Variants in AHCYL2 observed in about 807,000 individuals in gnomAD.
AHCYL2 encodes the protein adenosylhomocysteinase like 2.
In AHCYL2, 28 loss-of-function variants were observed where a neutral mutation model predicts 81.4. The observed-to-expected ratio is 0.34, with a 90% CI of 0.25 to 0.47. The LOEUF (loss-of-function observed/expected upper bound fraction) is 0.47, where lower values mean the gene tolerates loss of function less well. AHCYL2 is among the 20% of genes least tolerant of loss of function. The pLI is 1.00. For synonymous variants in AHCYL2, 272 were observed against 290.2 expected, an observed-to-expected ratio of 0.94 and a Z score of 0.64; for missense variants, 551 against 785.1, an observed-to-expected ratio of 0.70 and a Z score of 3.56.
chr7:129,283,292 G>A (rs1330823014), intron 1 of AHCYL2: 11 of 451,960 alleles, frequency 2.4e-5, no homozygotes, highest in Non-Finnish European at 4.4e-5. Context: ...GTAAGCAGAA[G>A]CATTCACAGA....
At chr7:129,344,534 A>G (rs533588278) in intron 1 of AHCYL2, among the ~76,000 whole-genome samples, 1 of 152,372 alleles carries the variant, frequency 6.6e-6, no homozygotes, top group African/African-American at 2.4e-5. Flanking sequence ...CATAAAAGGC[A>G]AATCTATCTA....
At chr7:129,234,853 T>G (rs1794585421) in intron 1 of AHCYL2, among the ~76,000 whole-genome samples, 1 of 152,222 alleles carries the variant, frequency 6.6e-6, no homozygotes, top group Non-Finnish European at 1.5e-5. Flanking sequence ...CTAGGTCTTT[T>G]CCTTCAGAAT....
chr7:129,274,300 A>G (rs981135400), intron 1 of AHCYL2, among the ~76,000 whole-genome samples: 2 of 152,350 alleles, frequency 1.3e-5, no homozygotes, highest in East Asian at 1.9e-4. Flanking sequence ...ACTATACTGC[A>G]GTAGCTGTAC....
chr7:129,339,380 C>A (rs1175014627), intron 1 of AHCYL2, among the ~76,000 whole-genome samples: 1 of 152,020 alleles, frequency 6.6e-6, no homozygotes, highest in African/African-American at 2.4e-5. Flanking sequence ...TATTGATATA[C>A]CAAACATATA....
chr7:129,423,300 C>T (rs981143670), intron 13 of AHCYL2, among the ~76,000 whole-genome samples: 7 of 152,230 alleles, frequency 4.6e-5, no homozygotes, highest in African/African-American at 7.2e-5. Flanking sequence ...TAGATATGCC[C>T]GACTGTAACC....
chr7:129,257,705 G>A (rs1280534142), intron 1 of AHCYL2, among the ~76,000 whole-genome samples: 2 of 152,152 alleles, frequency 1.3e-5, no homozygotes, highest in South Asian at 2.1e-4. Flanking sequence ...TGTTCTTGTG[G>A]AAAGTAATTT....
Position 129,407,207 on chromosome 7 carries a change from C to A in AHCYL2, c.1295+741C>A, listed in dbSNP as rs188970110. Among the ~76,000 whole-genome samples the A allele has an allele frequency of 9.2e-4, 140 of 152,116 alleles. 1 individual carries two copies. Among genetic ancestry groups the A allele is most frequent in the African/African-American group, 3.1e-3 (128 of 41,504 alleles). Reference sequence around the variant, plus strand: ...TCTACAAATAATTTTTTTAAATTAGCTGGGTGTGGTGGTGCATGCCTGTGG... The same window carrying A: ...TCTACAAATAATTTTTTTAAATTAGATGGGTGTGGTGGTGCATGCCTGTGG... On this transcript the variant is annotated intron_variant, in intron 10 of 16. Coordinates refer to ENST00000325006, the MANE Select transcript of AHCYL2 (RefSeq NM_015328.4).
chr7:129,348,247 A>C (rs758796457), intron 1 of AHCYL2, among the ~76,000 whole-genome samples: 1 of 152,214 alleles, frequency 6.6e-6, no homozygotes, highest in Non-Finnish European at 1.5e-5. Context: ...GTATATCTAT[A>C]AAATAGAACA....
At chr7:129,394,802 T>C (rs976240675) in intron 4 of AHCYL2, among the ~76,000 whole-genome samples, 3 of 152,224 alleles carry the variant, frequency 2.0e-5, no homozygotes, top group Admixed American at 6.5e-5. Flanking sequence ...TATTCATAGA[T>C]GTTGTCTATC....
At chr7:129,296,512 C>G (rs1245839903) in intron 1 of AHCYL2, among the ~76,000 whole-genome samples, 1 of 152,082 alleles carries the variant, frequency 6.6e-6, no homozygotes, top group South Asian at 2.1e-4. Flanking sequence ...GGTTCAAGAC[C>G]AGCCTGGGCA....
intron 1 of AHCYL2, among the ~76,000 whole-genome samples, chr7:129,265,203 A>G (rs1241337586): frequency 6.6e-6 from 1 of 152,154 alleles, no homozygotes; most frequent in Non-Finnish European, 1.5e-5. Context: ...ATCATTAGGG[A>G]TGCTTTCATG....
chr7:129,357,656 C>T (rs925027499), intron 1 of AHCYL2, among the ~76,000 whole-genome samples: 4 of 152,148 alleles, frequency 2.6e-5, no homozygotes, highest in East Asian at 1.9e-4. Context: ...CTTGGTGGGC[C>T]GGGCGCAGTG....
chr7:129,401,774 G>A (rs1174216236), intron 6 of AHCYL2, among the ~76,000 whole-genome samples: 1 of 152,150 alleles, frequency 6.6e-6, no homozygotes, highest in African/African-American at 2.4e-5. Flanking sequence ...AACCCAGGGA[G>A]GACATTAGGA....
Position 129,394,511 on chromosome 7 carries a change from A to C in AHCYL2, c.721-2711A>C, listed in dbSNP as rs137895512. Among the ~76,000 whole-genome samples, 891 of 131,946 alleles carry C rather than the reference A, an allele frequency of 6.8e-3. 8 individuals carry two copies. Among genetic ancestry groups the C allele is most frequent in the Non-Finnish European group, 9.9e-3 (645 of 64,968 alleles). 86.6% of individuals were successfully genotyped at this position (131,946 alleles called of 152,430 possible). ...TGCCCAGGCTGGAGTGCAACGGTGCAATCTTGGCTCACCACAACCTCCACC... is the reference window on the plus strand; with the variant it reads ...TGCCCAGGCTGGAGTGCAACGGTGCCATCTTGGCTCACCACAACCTCCACC... On this transcript the variant is annotated intron_variant, in intron 4 of 16. Coordinates refer to ENST00000325006, the MANE Select transcript of AHCYL2 (RefSeq NM_015328.4).
At chr7:129,312,414 TTGTTGTCTTTTAG>T (rs891287601) in intron 1 of AHCYL2, among the ~76,000 whole-genome samples, 1 of 152,070 alleles carries the variant, frequency 6.6e-6, no homozygotes, top group African/African-American at 2.4e-5. Context: ...TTCTTTCTTT[TTGTTGTCTTTTAG>T]AGATGGAGTT....
rs144881015 is a variant in AHCYL2, at chr7:129,400,318, G to A, written c.852G>A (p.Glu284=). The change falls in exon 6 of 17, where the codon GAG becomes GAA. Residue 284 remains glutamate, a synonymous_variant. Coordinates refer to ENST00000325006, the MANE Select transcript of AHCYL2 (RefSeq NM_015328.4). ...SGFPVFAWKG[E]SEDDFWWCID... is the part of the protein sequence containing the mutation. ...TTCCTGTTTTTGCCTGGAAGGGAGA[G>A]TCAGAAGATGACTTTTGGTGGTGTA... The A allele has an allele frequency of 1.6e-5, 26 of 1,613,390 alleles. No individual in the cohort carries two copies. In the African/African-American group the frequency reaches 2.7e-4, roughly 17 times the overall value.
At position 129,427,168 on chromosome 7, in the gene AHCYL2, T is replaced by C; in HGVS notation, c.*123T>C. The C allele has an allele frequency of 1.0e-6, 1 of 972,886 alleles. No homozygotes were observed. Among genetic ancestry groups the C allele is most frequent in the Non-Finnish European group, 1.6e-6 (1 of 639,464 alleles). The allele number at this position is 972,886 out of a possible 1,614,324, so 60.3% of individuals were successfully genotyped here. A position where few individuals can be genotyped will look rare whatever the true frequency, so the allele number is the denominator to read the frequency against. Reference sequence around the variant, plus strand: ...AAAGCTGCCTGCCGTGCTCACCCTGTGTGTTAGGTTATTTATTTATTAAAA... The same window carrying C: ...AAAGCTGCCTGCCGTGCTCACCCTGCGTGTTAGGTTATTTATTTATTAAAA... On this transcript the variant is annotated 3_prime_UTR_variant, in exon 17 of 17. Coordinates refer to ENST00000325006, the MANE Select transcript of AHCYL2 (RefSeq NM_015328.4). This position sits in a 1 kb window ranked among gnomAD's most constrained non-coding sequence, Gnocchi z 5.5.
At chr7:129,245,025 CTTTTTT>C (rs11457350) in intron 1 of AHCYL2, among the ~76,000 whole-genome samples, 1 of 115,780 alleles carries the variant, frequency 8.6e-6, no homozygotes. Context: ...GTAGAATATT[CTTTTTT>C]TTTTTTTTTT....
rs1291534295 is a variant in AHCYL2 at position 129,429,033 on chromosome 7, A to G, written c.*1988A>G. On this transcript the variant is annotated 3_prime_UTR_variant, in exon 17 of 17. Transcript: ENST00000325006. ...TTGGCAGATAGATGGTCTCTAGCCT[A>G]TTGTATTCTTAGACCAAAAATCATA... The G allele has an allele frequency of 6.6e-6, 1 of 152,196 alleles. No individual in the cohort carries two copies. The highest frequency in any genetic ancestry group is 1.5e-5 in the Non-Finnish European group (1 of 68,028). The allele number at this position is 152,196 out of a possible 1,614,324, so 9.4% of individuals were successfully genotyped here.
Sources: allele counts gnomAD v4.1 joint callset (sites outside exome capture counted in the v4.1 genomes callset), GRCh38; gene constraint gnomAD v4.1.1; non-coding constraint Gnocchi (gnomAD v3.1); transcripts MANE v1.5; gene names NCBI Gene and HGNC (gene_info 2026-07-23, HGNC 2026-07-21).